Variants in LMNTD1 observed in about 807,000 individuals in gnomAD.
LMNTD1 encodes lamin tail domain-containing protein 1.
LMNTD1 carries 35 observed loss-of-function variants against 50.9 expected under a neutral mutation model. The ratio of observed to expected loss-of-function variants is 0.69; its 90% CI spans 0.53 to 0.91. The LOEUF is 0.91. Ranked by LOEUF, LMNTD1 falls within the 40% of genes least tolerant of loss-of-function variation. The pLI is 0.00. For synonymous variants in LMNTD1, 153 were observed against 161.9 expected (o/e 0.94, Z 0.42); for missense variants, 470 against 475.5 (o/e 0.99, Z 0.11).
chr12:25,508,521 A>C (rs1478525192), intron 8 of LMNTD1, among the ~76,000 whole-genome samples: 1 of 152,184 alleles, frequency 6.6e-6, no homozygotes, highest in Non-Finnish European at 1.5e-5. Flanking sequence ...TTATCCATTA[A>C]ATAATTGATG....
chr12:25,640,989 G>A (rs1352418807), intron 1 of LMNTD1, among the ~76,000 whole-genome samples: 1 of 152,142 alleles, frequency 6.6e-6, no homozygotes, highest in Non-Finnish European at 1.5e-5. Flanking sequence ...TTAATTTGAA[G>A]TATATTTAGT....
At chr12:25,637,147 A>G (rs1160422507) in intron 1 of LMNTD1, among the ~76,000 whole-genome samples, 1 of 152,152 alleles carries the variant, frequency 6.6e-6, no homozygotes, top group Non-Finnish European at 1.5e-5. Context: ...AAATAAATAA[A>G]TTAATTAAAA....
At chr12:25,553,289 T>C, upstream of LMNTD1, 1 of 1,428,404 alleles carries the variant, frequency 7.0e-7, no homozygotes, top group Non-Finnish European at 9.1e-7. Flanking sequence ...ACTACAGTTG[T>C]TGCTTCTGGC....
At chr12:25,534,511 G>A (rs975079216) in intron 4 of LMNTD1, among the ~76,000 whole-genome samples, 10 of 152,108 alleles carry the variant, frequency 6.6e-5, no homozygotes, top group Non-Finnish European at 1.5e-4. Flanking sequence ...CTGAGAGTCT[G>A]GGGAGACCAA....
At position 25,551,012 on chromosome 12, in the gene LMNTD1, C is replaced by T. The variant is rs1943712485; in HGVS notation, c.90-1466G>A. 2.0e-5 allele frequency among the ~76,000 whole-genome samples: 3 copies of T among 152,084 alleles called. No homozygotes were observed. The South Asian group carries it at 6.2e-4, about 32-fold the overall frequency. Reference sequence around the variant, plus strand: ...TATGAAGATACACTATTGAGTATGACCGTAGAGGTAGTGGGAAGGAGACTT... The same window carrying T: ...TATGAAGATACACTATTGAGTATGATCGTAGAGGTAGTGGGAAGGAGACTT... On this transcript the variant is annotated intron_variant, in intron 2 of 9. Transcript: ENST00000458174.
intron 2 of LMNTD1, among the ~76,000 whole-genome samples, chr12:25,550,953 C>T (rs754762811): frequency 6.6e-6 from 1 of 152,168 alleles, no homozygotes. Flanking sequence ...TGCTGACACT[C>T]CAAGCATTCA....
intron 1 of LMNTD1, among the ~76,000 whole-genome samples, chr12:25,624,184 C>G (rs1190106106): frequency 1.3e-5 from 1 of 79,988 alleles, no homozygotes; most frequent in African/African-American, 4.7e-5. Flanking sequence ...ATTGTACTGT[C>G]AATAGGGATT....
At chr12:25,579,767 C>A (rs1480290423) in intron 1 of LMNTD1, among the ~76,000 whole-genome samples, 2 of 152,100 alleles carry the variant, frequency 1.3e-5, no homozygotes, top group African/African-American at 4.8e-5. Context: ...TATACTCAAC[C>A]AACCACTACA....
At chr12:25,561,460 GT>G (rs1944319746) in intron 1 of LMNTD1, among the ~76,000 whole-genome samples, 1 of 152,204 alleles carries the variant, frequency 6.6e-6, no homozygotes. Flanking sequence ...TTTTGAGTGA[GT>G]TTCTTAATCC....
chr12:25,520,050 T>G lies in LMNTD1; in HGVS notation c.824A>C (p.His275Pro). ...GQAIAWYTPI[H>P]WKQAWEKLDA... ...TAATTTTTCCCACGCTTGCTTCCAGTGGATAGGGGTGTACCACGCAATGGC... is the reference window on the plus strand; with the variant it reads ...TAATTTTTCCCACGCTTGCTTCCAGGGGATAGGGGTGTACCACGCAATGGC... The change falls in exon 7 of 10, where the codon CAC (histidine) becomes CCC (proline). Residue 275 changes from histidine (H) to proline (P), a missense_variant. Physicochemically the swap from His to Pro is moderately conservative, Grantham distance 77. Transcript: ENST00000458174. 1 of 1,612,140 alleles carries G rather than the reference T, an allele frequency of 6.2e-7. No individual in the cohort carries two copies. Among genetic ancestry groups the G allele is most frequent in the Non-Finnish European group, 8.5e-7 (1 of 1,179,234 alleles).
intron 1 of LMNTD1, among the ~76,000 whole-genome samples, chr12:25,609,203 A>G (rs553183715): frequency 4.6e-5 from 7 of 152,182 alleles, no homozygotes; most frequent in East Asian, 3.9e-4. Flanking sequence ...TATACTGTTT[A>G]TTCTAGTTAG....
intron 1 of LMNTD1, among the ~76,000 whole-genome samples, chr12:25,569,053 A>T (rs1944673888): frequency 6.6e-6 from 1 of 152,242 alleles, no homozygotes; most frequent in Non-Finnish European, 1.5e-5. Context: ...AGACCCCAGA[A>T]TGGTAGAGCT....
intron 1 of LMNTD1, among the ~76,000 whole-genome samples, chr12:25,646,536 C>G (rs1305614267): frequency 6.6e-6 from 1 of 152,134 alleles, no homozygotes; most frequent in Non-Finnish European, 1.5e-5. Context: ...AGAGGGGCAG[C>G]TGGGTCAAGA....
In LMNTD1 at chr12:25,552,875, T is replaced by G; in HGVS notation, c.85A>C (p.Lys29Gln). ...HEQEDKNEKQ[K>Q]QREDKLGVYS... is the part of the protein sequence containing the mutation. ...ATCGCATCTATGCATGCTCACTGTT[T>G]TTGTTTCTCATTCTTATCTTCCTGC... The change falls in exon 2 of 10, where the codon AAA becomes CAA. Residue 29 changes from lysine to glutamine, a missense_variant. Transcript: ENST00000458174. 1 of 1,538,992 alleles carries G rather than the reference T, an allele frequency of 6.5e-7. No individual in the cohort carries two copies. The highest frequency in any genetic ancestry group is 8.8e-7 in the Non-Finnish European group (1 of 1,135,370).
At chr12:25,511,482 A>G (rs550870095) in intron 8 of LMNTD1, among the ~76,000 whole-genome samples, 8 of 152,186 alleles carry the variant, frequency 5.3e-5, no homozygotes, top group Non-Finnish European at 1.2e-4. Context: ...AGACACTTGT[A>G]GGGCATCCAA....
At chr12:25,616,553 T>C (rs1190063932) in intron 1 of LMNTD1, among the ~76,000 whole-genome samples, 1 of 152,146 alleles carries the variant, frequency 6.6e-6, no homozygotes, top group Non-Finnish European at 1.5e-5. Context: ...AGAAGGGAAG[T>C]GGATCCTGGT....
intron 1 of LMNTD1, among the ~76,000 whole-genome samples, chr12:25,574,760 T>A (rs1401980604): frequency 6.6e-6 from 1 of 152,186 alleles, no homozygotes; most frequent in African/African-American, 2.4e-5. Flanking sequence ...GATCGTTTAT[T>A]GAGCATCTTT....
intron 8 of LMNTD1, among the ~76,000 whole-genome samples, chr12:25,512,779 T>C (rs1283523668): frequency 6.6e-6 from 1 of 151,724 alleles, no homozygotes; most frequent in African/African-American, 2.4e-5. Flanking sequence ...GCTTTGGTAG[T>C]GCATGGGGTA....
chr12:25,605,956 T>C (rs959677553), intron 1 of LMNTD1, among the ~76,000 whole-genome samples: 2 of 152,236 alleles, frequency 1.3e-5, no homozygotes, highest in Non-Finnish European at 2.9e-5. Context: ...TTGATTCTTC[T>C]ATCCATGAGC....
Sources: gnomAD v4.1 joint callset for allele counts (sites outside exome capture counted in the v4.1 genomes callset) on GRCh38, gnomAD v4.1.1 for gene constraint, MANE v1.5 for transcripts, NCBI Gene and HGNC (gene_info 2026-07-23, HGNC 2026-07-21) for gene names.